The following CDK8 variants were observed in gnomAD, a reference collection of about 807,000 sequenced individuals.
CDK8 encodes the protein cyclin dependent kinase 8, also known as cyclin-dependent kinase 8.
A neutral mutation model predicts 71.5 loss-of-function variants in CDK8; 29 were observed. The observed-to-expected ratio is 0.41, with a 90% confidence interval of 0.30 to 0.55. CDK8 has a LOEUF of 0.55. CDK8 is among the 20% of genes least tolerant of loss of function. The probability of loss-of-function intolerance (pLI) is 0.37; values close to 1 mark genes in which losing one functional copy is unlikely to be tolerated. For synonymous variants in CDK8, 161 were observed against 192.1 expected (o/e 0.84, Z 1.34); for missense variants, 288 against 572.6 (o/e 0.50, Z 5.07).
intron 1 of CDK8, among the ~76,000 whole-genome samples, chr13:26,316,832 AAATT>A (rs769933338): frequency 6.6e-6 from 1 of 152,216 alleles, no homozygotes. Flanking sequence ...AAAAATAAAT[AAATT>A]AACTCATATT....
chr13:26,304,078 C>T (rs930058249), intron 1 of CDK8, among the ~76,000 whole-genome samples: 2 of 151,804 alleles, frequency 1.3e-5, no homozygotes, highest in Non-Finnish European at 1.5e-5. Context: ...AGCCTGGCCA[C>T]GATGGTGAAA....
intron 10 of CDK8, 46 bp downstream of exon 10, chr13:26,400,596 G>C: frequency 8.7e-7 from 1 of 1,143,276 alleles, no homozygotes; most frequent in Non-Finnish European, 1.3e-6. Flanking sequence ...GGAAGTTTTG[G>C]AGTATGCTTT....
At chr13:26,277,136 C>G (rs999977042) in intron 1 of CDK8, among the ~76,000 whole-genome samples, 1 of 152,160 alleles carries the variant, frequency 6.6e-6, no homozygotes, top group Non-Finnish European at 1.5e-5. Flanking sequence ...TTCCTATTTA[C>G]GTTGTGCTAA....
At chr13:26,311,662 C>G (rs964078799) in intron 1 of CDK8, among the ~76,000 whole-genome samples, 1 of 152,174 alleles carries the variant, frequency 6.6e-6, no homozygotes, top group South Asian at 2.1e-4. Context: ...CCATGTGATT[C>G]CTGAGGAAGT....
At chr13:26,267,942 A>T (rs1872101267) in intron 1 of CDK8, among the ~76,000 whole-genome samples, 1 of 152,082 alleles carries the variant, frequency 6.6e-6, no homozygotes, top group Non-Finnish European at 1.5e-5. Context: ...GGCTTCCTTC[A>T]ATGGTTCTAG....
chr13:26,371,889 A>G (rs1431550746), intron 4 of CDK8, among the ~76,000 whole-genome samples: 2 of 152,182 alleles, frequency 1.3e-5, no homozygotes, highest in Non-Finnish European at 2.9e-5. Flanking sequence ...AAGTGCTGAG[A>G]TTACGAGCAT....
At chr13:26,309,761 A>G (rs1360957652) in intron 1 of CDK8, among the ~76,000 whole-genome samples, 2 of 152,088 alleles carry the variant, frequency 1.3e-5, no homozygotes, top group East Asian at 1.9e-4. Context: ...TGTAAAATTT[A>G]CCATCTTACC....
intron 7 of CDK8, among the ~76,000 whole-genome samples, chr13:26,394,833 A>C (rs796794002): frequency 5.3e-5 from 8 of 152,310 alleles, no homozygotes; most frequent in African/African-American, 1.9e-4. Context: ...TGCATTTTAG[A>C]AAGATTTAGT....
chr13:26,331,858 G>A (rs1872776124), intron 1 of CDK8, among the ~76,000 whole-genome samples: 1 of 152,130 alleles, frequency 6.6e-6, no homozygotes. Context: ...AATGGCATTG[G>A]TATTTTGACT....
intron 1 of CDK8, among the ~76,000 whole-genome samples, chr13:26,270,679 G>A (rs1872274288): frequency 6.6e-6 from 1 of 152,064 alleles, no homozygotes; most frequent in South Asian, 2.1e-4. Context: ...TTAATGAAAC[G>A]TTTTCAAGGC....
chr13:26,401,745 C>A lies in CDK8; in HGVS notation c.1269+121C>A. 1 of 1,026,342 alleles carries A rather than the reference C, an allele frequency of 9.7e-7. No homozygotes were observed. The highest frequency in any genetic ancestry group is 1.5e-6 in the Non-Finnish European group (1 of 687,382). 63.6% of individuals were successfully genotyped at this position (1,026,342 alleles called of 1,614,324 possible). ...CTGTATACCCAGGGAAATACATTAA[C>A]ATGAAATGTTACTGGCATGGAAAAG... On this transcript the variant is annotated intron_variant, in intron 12 of 12. Coordinates refer to ENST00000381527, the MANE Select transcript of CDK8 (RefSeq NM_001260.3). This position sits in a 1 kb window ranked among gnomAD's most constrained non-coding sequence, Gnocchi z 4.5.
At chr13:26,299,490 C>T (rs1409650240) in intron 1 of CDK8, among the ~76,000 whole-genome samples, 1 of 152,156 alleles carries the variant, frequency 6.6e-6, no homozygotes, top group East Asian at 1.9e-4. Context: ...AGTTGTGATG[C>T]CACTGTCGTA....
intron 4 of CDK8, among the ~76,000 whole-genome samples, chr13:26,370,009 A>G (rs1035646273): frequency 1.3e-5 from 2 of 152,204 alleles, no homozygotes; most frequent in African/African-American, 4.8e-5. Flanking sequence ...ATCAATAACT[A>G]TGGAAGAAAG....
chr13:26,320,022 A>T (rs2137945642), intron 1 of CDK8, among the ~76,000 whole-genome samples: 1 of 152,270 alleles, frequency 6.6e-6, no homozygotes, highest in East Asian at 1.9e-4. Flanking sequence ...ATCGACATTC[A>T]AAAGAATGAA....
Position 26,264,495 on chromosome 13 carries a change from AT to A in CDK8, c.128+9729del, listed in dbSNP as rs1871934574. ...TGTGCTTATAATTTATTTGGTAACT[AT>A]TTACTGAATGTCTCTTATATGATTG... On this transcript the variant is annotated intron_variant, in intron 1 of 12. Transcript: ENST00000381527. Among the ~76,000 whole-genome samples, 3 of 152,052 alleles carry A rather than the reference AT, an allele frequency of 2.0e-5. No individual in the cohort carries two copies. In the South Asian group the frequency reaches 6.2e-4, roughly 32 times the overall value.
chr13:26,271,801 CCT>C (rs1257986598), intron 1 of CDK8, among the ~76,000 whole-genome samples: 36 of 118,970 alleles, frequency 3.0e-4, no homozygotes, highest in African/African-American at 1.1e-3. Flanking sequence ...AGAGTGAGAC[CCT>C]GTCTTTTTTT....
chr13:26,391,906 C>T (rs1875763647), intron 6 of CDK8, among the ~76,000 whole-genome samples: 1 of 152,050 alleles, frequency 6.6e-6, no homozygotes, highest in Non-Finnish European at 1.5e-5. Context: ...ATCTCTATTC[C>T]AGTTTTGGAA....
intron 8 of CDK8, 93 bp downstream of exon 8, chr13:26,396,447 A>C (rs1437921436): frequency 2.4e-6 from 1 of 423,870 alleles, no homozygotes; most frequent in East Asian, 3.7e-5. Context: ...AATACTCAAT[A>C]TAAGATTACT....
chr13:26,260,309 G>A (rs994573897), intron 1 of CDK8, among the ~76,000 whole-genome samples: 4 of 152,242 alleles, frequency 2.6e-5, no homozygotes, highest in East Asian at 1.9e-4. Flanking sequence ...ATTTATCAGC[G>A]TTTGCACCGA....
Sources: gnomAD v4.1 joint callset for allele counts (sites outside exome capture counted in the v4.1 genomes callset) on GRCh38, gnomAD v4.1.1 for gene constraint, Gnocchi (gnomAD v3.1) non-coding constraint, MANE v1.5 for transcripts, NCBI Gene and HGNC (gene_info 2026-07-23, HGNC 2026-07-21) for gene names.